The following DOCK3 variants were observed in gnomAD, a reference collection of about 807,000 sequenced individuals.
The protein encoded by DOCK3 is dedicator of cytokinesis protein 3.
A neutral mutation model predicts 265.6 loss-of-function variants in DOCK3; 60 were observed. That is an observed-to-expected ratio of 0.23 (90% CI 0.18 to 0.28). The LOEUF (loss-of-function observed/expected upper bound fraction) is 0.28. Ranked by LOEUF, DOCK3 falls within the 10% of genes least tolerant of loss-of-function variation. The pLI, the probability that DOCK3 is intolerant of heterozygous loss-of-function variation, is 1.00. For synonymous variants in DOCK3, 881 were observed against 938.0 expected (o/e 0.94, Z 1.11); for missense variants, 1,981 against 2,594.3 (o/e 0.76, Z 5.14).
intron 12 of DOCK3, among the ~76,000 whole-genome samples, chr3:51,193,354 C>T (rs2088066730): frequency 1.3e-5 from 2 of 152,040 alleles, no homozygotes; most frequent in Non-Finnish European, 2.9e-5. Context: ...CTGTGTTTAC[C>T]AGGGATATTG....
intron 2 of DOCK3, among the ~76,000 whole-genome samples, chr3:50,796,900 A>ACTCTC (rs1462871056): frequency 6.6e-6 from 1 of 150,530 alleles, no homozygotes. Flanking sequence ...GCATGCTCTA[A>ACTCTC]CTCTGGGTGA....
chr3:51,084,498 C>T (rs1216788986), intron 7 of DOCK3, among the ~76,000 whole-genome samples: 3 of 152,074 alleles, frequency 2.0e-5, no homozygotes, highest in Admixed American at 6.5e-5. Context: ...CTATACCCAA[C>T]AAAGCTATCC....
At chr3:50,892,357 A>C (rs1478611523) in intron 4 of DOCK3, among the ~76,000 whole-genome samples, 1 of 152,132 alleles carries the variant, frequency 6.6e-6, no homozygotes, top group Non-Finnish European at 1.5e-5. Flanking sequence ...TAACAATGGT[A>C]TACCAAGAAA....
chr3:51,210,689 T>C (rs1386750855), intron 13 of DOCK3, among the ~76,000 whole-genome samples: 1 of 152,210 alleles, frequency 6.6e-6, no homozygotes, highest in African/African-American at 2.4e-5. Context: ...TTCAGGTCTT[T>C]ATTAGTCTGC....
At position 51,159,347 on chromosome 3, in the gene DOCK3, A is replaced by G. The variant is rs373843963; in HGVS notation, c.889+43A>G. The G allele has an allele frequency of 1.6e-4, 258 of 1,573,154 alleles. 1 individual carries two copies. Among genetic ancestry groups the G allele is most frequent in the East Asian group, 8.8e-4 (39 of 44,552 alleles). ...CATTCACATGACTAAGAATGGCCCA[A>G]CTTGGGATAAGTATGTCTTGTGCAT... On this transcript the variant is annotated intron_variant, in intron 11 of 52. Coordinates refer to ENST00000266037, the MANE Select transcript of DOCK3 (RefSeq NM_004947.5).
intron 12 of DOCK3, among the ~76,000 whole-genome samples, chr3:51,171,347 C>T (rs914304045): frequency 2.6e-5 from 4 of 152,210 alleles, no homozygotes; most frequent in Non-Finnish European, 2.9e-5. Flanking sequence ...CAGTTTTCCT[C>T]GTTACTGATG....
At chr3:50,922,318 A>G (rs2050522686) in intron 4 of DOCK3, among the ~76,000 whole-genome samples, 1 of 152,186 alleles carries the variant, frequency 6.6e-6, no homozygotes, top group Non-Finnish European at 1.5e-5. Context: ...CTGTGCTAGC[A>G]GTGATCGAGG....
intron 5 of DOCK3, among the ~76,000 whole-genome samples, chr3:50,978,142 C>T (rs1343843389): frequency 6.6e-6 from 1 of 151,626 alleles, no homozygotes; most frequent in African/African-American, 2.4e-5. Context: ...CTTCTCTCAG[C>T]TCGTCAAAGT....
At chr3:50,985,455 T>TAATATAAATA (rs2077862787) in intron 5 of DOCK3, among the ~76,000 whole-genome samples, 1 of 152,230 alleles carries the variant, frequency 6.6e-6, no homozygotes, top group African/African-American at 2.4e-5. Flanking sequence ...ATATTTTTAT[T>TAATATAAATA]GTTTCTATTT....
intron 2 of DOCK3, among the ~76,000 whole-genome samples, chr3:50,837,193 C>T (rs1389461592): frequency 1.3e-5 from 2 of 152,190 alleles, no homozygotes; most frequent in East Asian, 3.8e-4. Flanking sequence ...GCCTGTTATC[C>T]AGTTCCAAAG....
At chr3:51,107,912 GAA>G (rs1017887247) in intron 9 of DOCK3, among the ~76,000 whole-genome samples, 3 of 151,976 alleles carry the variant, frequency 2.0e-5, no homozygotes, top group Admixed American at 6.6e-5. Flanking sequence ...TGAAATGAAA[GAA>G]AAAATATTAC....
intron 1 of DOCK3, among the ~76,000 whole-genome samples, chr3:50,681,168 C>T (rs1196292275): frequency 8.5e-5 from 13 of 152,058 alleles, no homozygotes; most frequent in Admixed American, 8.5e-4. Flanking sequence ...TTTTATCATG[C>T]AGTATTAGAA....
chr3:50,766,456 C>T (rs1049535882), intron 1 of DOCK3, among the ~76,000 whole-genome samples: 1 of 152,018 alleles, frequency 6.6e-6, no homozygotes, highest in Non-Finnish European at 1.5e-5. Context: ...ATGAACTCAT[C>T]CTTTTTTATG....
intron 11 of DOCK3, 94 bp from the exon 12 acceptor site, chr3:51,160,461 G>A: frequency 1.4e-6 from 2 of 1,434,316 alleles, no homozygotes; most frequent in South Asian, 1.5e-5. Flanking sequence ...TTTCCTAGGT[G>A]CCTGTAGCTC....
chr3:50,983,081 G>A (rs1186484057), intron 5 of DOCK3, among the ~76,000 whole-genome samples: 1 of 152,216 alleles, frequency 6.6e-6, no homozygotes, highest in South Asian at 2.1e-4. Flanking sequence ...GCCCAGCCAG[G>A]TGTGTGCATG....
chr3:50,795,154 C>T (rs911080483), intron 2 of DOCK3, among the ~76,000 whole-genome samples: 7 of 151,946 alleles, frequency 4.6e-5, no homozygotes, highest in Non-Finnish European at 7.4e-5. Context: ...ATTCTAGCTA[C>T]CTTTAACATT....
intron 32 of DOCK3, among the ~76,000 whole-genome samples, chr3:51,327,556 T>G (rs529467120): frequency 6.6e-6 from 1 of 152,304 alleles, no homozygotes; most frequent in African/African-American, 2.4e-5. Context: ...GATGTTGATT[T>G]TGCATGCATT....
intron 1 of DOCK3, among the ~76,000 whole-genome samples, chr3:50,734,467 A>G (rs988454141): frequency 6.6e-6 from 1 of 152,064 alleles, no homozygotes; most frequent in Non-Finnish European, 1.5e-5. Context: ...GTGCCATTGC[A>G]CTCCAGCCTG....
chr3:50,955,465 A>G (rs1474908324), intron 5 of DOCK3, among the ~76,000 whole-genome samples: 1 of 152,238 alleles, frequency 6.6e-6, no homozygotes, highest in Non-Finnish European at 1.5e-5. Context: ...CTGGATCAAG[A>G]AAATGTGGTA....
Sources: allele counts gnomAD v4.1 joint callset (sites outside exome capture counted in the v4.1 genomes callset), GRCh38; gene constraint gnomAD v4.1.1; transcripts MANE v1.5; gene names NCBI Gene and HGNC (gene_info 2026-07-23, HGNC 2026-07-21).